OXCT1: variants seen among roughly 807,000 people sequenced by gnomAD.
The protein encoded by OXCT1 is succinyl-CoA:3-ketoacid coenzyme A transferase 1, mitochondrial.
In OXCT1, 27 loss-of-function variants were observed where a neutral mutation model predicts 69.6. That is an observed-to-expected ratio of 0.39 (90% confidence interval 0.29 to 0.54). The LOEUF is 0.54. OXCT1 is among the 20% of genes least tolerant of loss of function. The probability of loss-of-function intolerance (pLI) is 0.72; values close to 1 mark genes in which losing one functional copy is unlikely to be tolerated. For synonymous variants in OXCT1, 202 were observed against 217.8 expected (o/e 0.93, Z 0.64); for missense variants, 437 against 650.2 (o/e 0.67, Z 3.57).
At chr5:41,824,698 G>A (rs571333881) in intron 7 of OXCT1, among the ~76,000 whole-genome samples, 1 of 152,236 alleles carries the variant, frequency 6.6e-6, no homozygotes, top group East Asian at 1.9e-4. Flanking sequence ...ATGTCTTTCA[G>A]ATTCTACTTA....
At chr5:41,807,720 T>C (rs972470617) in intron 7 of OXCT1, among the ~76,000 whole-genome samples, 1 of 152,082 alleles carries the variant, frequency 6.6e-6, no homozygotes, top group Non-Finnish European at 1.5e-5. Flanking sequence ...GTTACAAATT[T>C]GTCAAATGGT....
chr5:41,799,464 T>C (rs1445746852), intron 11 of OXCT1, among the ~76,000 whole-genome samples: 5 of 152,184 alleles, frequency 3.3e-5, no homozygotes, highest in African/African-American at 1.2e-4. Context: ...GAAGTTGAAA[T>C]ATAAAATTGG....
At chr5:41,843,993 G>C (rs1041537324) in intron 5 of OXCT1, among the ~76,000 whole-genome samples, 8 of 152,170 alleles carry the variant, frequency 5.3e-5, no homozygotes, top group African/African-American at 1.9e-4. Flanking sequence ...AAAAATCACT[G>C]TAAATACCAA....
In OXCT1 at chr5:41,731,645, A is replaced by C; in HGVS notation, c.*84T>G. 1.3e-6 allele frequency: 2 copies of C among 1,533,268 alleles called. No individual in the cohort carries two copies. The highest frequency in any genetic ancestry group is 2.4e-5 in the East Asian group (1 of 41,320). 95.0% of individuals were successfully genotyped at this position (1,533,268 alleles called of 1,614,324 possible). A position where few individuals can be genotyped will look rare whatever the true frequency, so the allele number is the denominator to read the frequency against. ...TAATAAAAAACCACCTGTTAAATAC[A>C]CAATTATGATTATTGATGTCCTTTC... On this transcript the variant is annotated 3_prime_UTR_variant, in exon 17 of 17. Coordinates refer to ENST00000196371, the MANE Select transcript of OXCT1 (RefSeq NM_000436.4).
intron 1 of OXCT1, chr5:41,869,944 A>G (rs899325349): frequency 1.0e-5 from 4 of 397,446 alleles, no homozygotes; most frequent in Non-Finnish European, 1.9e-5. Flanking sequence ...CAGAGTCCCT[A>G]TCCAAGGGCG....
At position 41,749,569 on chromosome 5, in the gene OXCT1, T is replaced by C; in HGVS notation, c.1377A>G (p.Pro459=). 1 of 1,609,876 alleles carries C rather than the reference T, an allele frequency of 6.2e-7. No homozygotes were observed. Among genetic ancestry groups the C allele is most frequent in the Non-Finnish European group, 8.5e-7 (1 of 1,176,924 alleles). ...GGTTGACACATTGCTTTCCAGTCAATGGTAATGTACATTTCTCCATGATTT... is the reference window on the plus strand; with the variant it reads ...GGTTGACACATTGCTTTCCAGTCAACGGTAATGTACATTTCTCCATGATTT... The part of the protein sequence containing the change: ...AHKIMEKCTL[P]LTGKQCVNRI... The change falls in exon 15 of 17, where the codon CCA becomes CCG. Residue 459 remains proline, a synonymous_variant. Transcript: ENST00000196371.
At position 41,794,633 on chromosome 5, in the gene OXCT1, C is replaced by G. The variant is rs114403852; in HGVS notation, c.1172+44G>C. 1.2e-3 allele frequency: 1,823 copies of G among 1,543,988 alleles called. 24 individuals carry two copies. In the African/African-American group the frequency reaches 0.022, roughly 19 times the overall value. ...AACACACTCAGACGATGACTCAGCT[C>G]ATTCCATACTGTCTGAAACATGAGG... On this transcript the variant is annotated intron_variant, in intron 12 of 16. Coordinates refer to ENST00000196371, the MANE Select transcript of OXCT1 (RefSeq NM_000436.4).
At chr5:41,810,361 A>G (rs1746908509) in intron 7 of OXCT1, among the ~76,000 whole-genome samples, 1 of 152,104 alleles carries the variant, frequency 6.6e-6, no homozygotes, top group Non-Finnish European at 1.5e-5. Context: ...GGTAATAAAG[A>G]ATAAAGGACA....
At chr5:41,866,541 C>T (rs541691513) in intron 1 of OXCT1, among the ~76,000 whole-genome samples, 6 of 152,306 alleles carry the variant, frequency 3.9e-5, no homozygotes, top group African/African-American at 1.4e-4. Context: ...TGAGTGGATA[C>T]ACTCACAGAC....
At chr5:41,847,122 C>A (rs953085815) in intron 5 of OXCT1, among the ~76,000 whole-genome samples, 1 of 151,836 alleles carries the variant, frequency 6.6e-6, no homozygotes, top group South Asian at 2.1e-4. Flanking sequence ...CACAGAAATA[C>A]AAACTACCAT....
At chr5:41,769,499 G>C (rs978859627) in intron 13 of OXCT1, among the ~76,000 whole-genome samples, 1 of 148,774 alleles carries the variant, frequency 6.7e-6, no homozygotes, top group Non-Finnish European at 1.5e-5. Flanking sequence ...GGGGTAGGAG[G>C]ATCACTTAAG....
At chr5:41,780,495 C>G (rs1250589837) in intron 13 of OXCT1, among the ~76,000 whole-genome samples, 1 of 152,178 alleles carries the variant, frequency 6.6e-6, no homozygotes, top group Admixed American at 6.5e-5. Flanking sequence ...AACTCTAATT[C>G]ATCAAAATCA....
intron 13 of OXCT1, among the ~76,000 whole-genome samples, chr5:41,788,279 A>G (rs556420792): frequency 6.6e-6 from 1 of 152,276 alleles, no homozygotes; most frequent in African/African-American, 2.4e-5. Context: ...AAAAATACGT[A>G]ATTGATCCCA....
Position 41,801,049 on chromosome 5 carries a change from C to G in OXCT1, c.1072G>C (p.Glu358Gln). Reference sequence around the variant, plus strand: ...GCATTGATGAGATCTGCATCAGCTTCATGTTGTCGTGGATATGGACCCTGT... The same window carrying G: ...GCATTGATGAGATCTGCATCAGCTTGATGTTGTCGTGGATATGGACCCTGT... ...LGLGPYPRQHEADADLINAGK... is the reference protein window; with the variant it reads ...LGLGPYPRQHQADADLINAGK... Residue 358 changes from glutamate to glutamine, a missense_variant, in exon 11 of 17, where the codon GAA (glutamate) becomes CAA (glutamine). This residue lies in a region of OXCT1 where 252 missense variants were observed against 397.4 expected (regional missense o/e 0.63). Transcript: ENST00000196371. The G allele has an allele frequency of 6.2e-7, 1 of 1,612,706 alleles. No individual in the cohort carries two copies. The highest frequency in any genetic ancestry group is 8.5e-7 in the Non-Finnish European group (1 of 1,178,840).
intron 15 of OXCT1, among the ~76,000 whole-genome samples, chr5:41,743,331 A>T (rs1227948850): frequency 4.6e-5 from 7 of 151,510 alleles, no homozygotes; most frequent in East Asian, 1.9e-4. Context: ...GGGTTGTTTG[A>T]TTTTTTCTTG....
At chr5:41,750,135 G>GTTTTTTTTTTTTTTTTTTTTTTTTTTT (rs11291155) in intron 14 of OXCT1, among the ~76,000 whole-genome samples, 1 of 73,924 alleles carries the variant, frequency 1.4e-5, no homozygotes, top group Non-Finnish European at 2.5e-5. Context: ...GTGTTTTTTG[G>GTTTTTTTTTTTTTTTTTTTTTTTTTTT]TTTTTTTTTT....
At chr5:41,810,623 G>T (rs560947580) in intron 7 of OXCT1, among the ~76,000 whole-genome samples, 4 of 152,112 alleles carry the variant, frequency 2.6e-5, no homozygotes, top group African/African-American at 9.6e-5. Flanking sequence ...TTAAAAGATT[G>T]CTTTCTCTGC....
intron 5 of OXCT1, among the ~76,000 whole-genome samples, chr5:41,848,445 T>C (rs1172345843): frequency 1.4e-5 from 2 of 147,900 alleles, no homozygotes; most frequent in South Asian, 2.2e-4. Context: ...TTAAAGTTCA[T>C]ATGGAACCAA....
intron 5 of OXCT1, among the ~76,000 whole-genome samples, chr5:41,849,169 A>G (rs1749063645): frequency 6.6e-6 from 1 of 152,208 alleles, no homozygotes; most frequent in Admixed American, 6.6e-5. Context: ...ATCAAAGGAC[A>G]TATTCAGTGA....
Sources: allele counts gnomAD v4.1 joint callset (sites outside exome capture counted in the v4.1 genomes callset), GRCh38; gene constraint gnomAD v4.1.1; regional missense constraint gnomAD v4.1.1; transcripts MANE v1.5; gene names NCBI Gene and HGNC (gene_info 2026-07-23, HGNC 2026-07-21).